The following UAP1 variants were observed in gnomAD, a reference collection of about 807,000 sequenced individuals.
The protein encoded by UAP1 is UDP-N-acetylhexosamine pyrophosphorylase.
Under a neutral mutation model 58.5 loss-of-function variants are expected in UAP1, and 25 were observed. The observed-to-expected ratio is 0.43, with a 90% confidence interval of 0.31 to 0.60. The LOEUF (loss-of-function observed/expected upper bound fraction) is 0.60. Among genes scored for constraint, UAP1 ranks in the 20% least tolerant of loss-of-function variants. UAP1 has a pLI of 0.11. For missense variants in UAP1, 575 were observed against 630.0 expected (o/e 0.91, Z 0.93); for synonymous variants, 208 against 213.0 (o/e 0.98, Z 0.21).
chr1:162,570,169 T>C (rs995935848), intron 2 of UAP1, among the ~76,000 whole-genome samples: 1 of 151,960 alleles, frequency 6.6e-6, no homozygotes, highest in African/African-American at 2.4e-5. Context: ...AAAAAATACT[T>C]ATTTTAGAGA....
At chr1:162,578,547 A>G (rs1385993261) in intron 3 of UAP1, among the ~76,000 whole-genome samples, 3 of 152,170 alleles carry the variant, frequency 2.0e-5, no homozygotes, top group Non-Finnish European at 4.4e-5. Context: ...CATTCTACTT[A>G]CAGCCCTGGC....
intron 2 of UAP1, among the ~76,000 whole-genome samples, chr1:162,576,463 A>G (rs1654183644): frequency 6.6e-6 from 1 of 152,198 alleles, no homozygotes; most frequent in South Asian, 2.1e-4. Flanking sequence ...TAATTGTTTT[A>G]ATAATAGAAA....
intron 2 of UAP1, among the ~76,000 whole-genome samples, chr1:162,575,091 C>G (rs1654090895): frequency 6.6e-6 from 1 of 152,148 alleles, no homozygotes; most frequent in Non-Finnish European, 1.5e-5. Flanking sequence ...ATTTTTGAGA[C>G]AGAGTCCCGC....
intron 9 of UAP1, 35 bp downstream of exon 9, chr1:162,592,817 T>TG (rs1200785484): frequency 6.6e-7 from 1 of 1,522,366 alleles, no homozygotes; most frequent in Non-Finnish European, 8.9e-7. Context: ...TGCATGGTGA[T>TG]GGGGCTGTGC....
chr1:162,576,969 G>C, exon 3 of UAP1: 1 of 1,614,000 alleles, frequency 6.2e-7, no homozygotes, highest in Non-Finnish European at 8.5e-7. Context: ...GGCAACAAAT[G>C]CATTATTCCA....
intron 2 of UAP1, among the ~76,000 whole-genome samples, chr1:162,574,058 A>G (rs1300327673): frequency 2.0e-5 from 3 of 151,322 alleles, no homozygotes; most frequent in Non-Finnish European, 4.4e-5. Context: ...AACTGGCTCT[A>G]AATTTATAAT....
chr1:162,569,962 AC>A (rs1381165450), intron 2 of UAP1, among the ~76,000 whole-genome samples: 3 of 152,134 alleles, frequency 2.0e-5, no homozygotes, highest in African/African-American at 7.2e-5. Flanking sequence ...ATCCTGGCTA[AC>A]ACGATGAAAC....
intron 7 of UAP1, among the ~76,000 whole-genome samples, chr1:162,589,281 T>A (rs915693903): frequency 1.4e-4 from 19 of 131,508 alleles, no homozygotes; most frequent in African/African-American, 4.8e-4. Flanking sequence ...ATAATATATA[T>A]AAATATATAT....
chr1:162,566,092 C>A (rs1557962857), exon 2 of UAP1: 2 of 1,612,272 alleles, frequency 1.2e-6, no homozygotes, highest in South Asian at 2.2e-5. Context: ...ACCTCAAACT[C>A]ACGTTGTCCA....
chr1:162,583,500 C>G (rs112049939), intron 5 of UAP1, among the ~76,000 whole-genome samples: 2 of 151,844 alleles, frequency 1.3e-5, no homozygotes, highest in African/African-American at 4.8e-5. Context: ...TGTACTGTTA[C>G]GAGCTTCAGA....
chr1:162,566,146 A>G lies in UAP1; in HGVS notation c.78A>G (p.Glu26=), dbSNP rs559319759. ...TACTACGTTTCTGGAATGAGCTTGA[A>G]GAAGCCCAACAGGTAGAACTTTATG... The change falls in exon 2 of 11, where the codon GAA becomes GAG. Residue 26 remains glutamate (E), a synonymous_variant. Coordinates refer to ENST00000271469, the Ensembl canonical transcript of UAP1. The G allele has an allele frequency of 1.9e-6, 3 of 1,613,804 alleles. No individual in the cohort carries two copies. In the South Asian group the frequency reaches 3.3e-5, roughly 18 times the overall value.
intron 3 of UAP1, 138 bp downstream of exon 3, chr1:162,577,119 T>A: frequency 1.2e-6 from 1 of 850,402 alleles, no homozygotes; most frequent in South Asian, 1.8e-5. Flanking sequence ...TTACTATATA[T>A]GTTAAAAGTG....
At chr1:162,576,240 G>C (rs1654168051) in intron 2 of UAP1, among the ~76,000 whole-genome samples, 1 of 152,102 alleles carries the variant, frequency 6.6e-6, no homozygotes, top group Admixed American at 6.5e-5. Context: ...TTATAGGCTG[G>C]AGGTAATTTG....
At chr1:162,587,933 T>G in intron 6 of UAP1, 1 of 329,940 alleles carries the variant, frequency 3.0e-6, no homozygotes, top group Admixed American at 4.4e-5. Context: ...CCCAACTATG[T>G]GCTAGGTTCT....
At chr1:162,577,809 A>G (rs1380277909) in intron 3 of UAP1, among the ~76,000 whole-genome samples, 2 of 151,548 alleles carry the variant, frequency 1.3e-5, no homozygotes, top group African/African-American at 4.9e-5. Context: ...ATGGAGTTTC[A>G]CCATGTTGGT....
intron 5 of UAP1, among the ~76,000 whole-genome samples, chr1:162,583,934 C>G (rs1654758540): frequency 1.3e-5 from 2 of 152,300 alleles, no homozygotes; most frequent in Middle Eastern, 6.8e-3. Context: ...GCCACTGCAC[C>G]CGGCCAGAGT....
intron 1 of UAP1, among the ~76,000 whole-genome samples, chr1:162,563,606 G>A (rs368600896): frequency 2.0e-5 from 3 of 152,014 alleles, no homozygotes; most frequent in African/African-American, 7.2e-5. Context: ...CTCATGATCC[G>A]CCCGCCTCGG....
Position 162,592,810 on chromosome 1 carries a change from A to G in UAP1, c.1409+28A>G, listed in dbSNP as rs969308817. Reference sequence around the variant, plus strand: ...AAATATACCAGCCTGCCTACAGTGCATGGTGATGGGGCTGTGCTTCCCTCC... The same window carrying G: ...AAATATACCAGCCTGCCTACAGTGCGTGGTGATGGGGCTGTGCTTCCCTCC... On this transcript the variant is annotated intron_variant, in intron 9 of 10. Coordinates refer to ENST00000271469, the Ensembl canonical transcript of UAP1. 16 of 1,537,258 alleles carry G rather than the reference A, an allele frequency of 1.0e-5. No individual in the cohort carries two copies. The African/African-American group carries it at 2.1e-4, about 20-fold the overall frequency.
intron 2 of UAP1, among the ~76,000 whole-genome samples, chr1:162,571,943 A>G (rs1398871972): frequency 6.6e-6 from 1 of 152,256 alleles, no homozygotes; most frequent in Non-Finnish European, 1.5e-5. Context: ...TTCTCCAGGA[A>G]CTGCTGCCTT....
Sources: gnomAD v4.1 joint callset for allele counts (sites outside exome capture counted in the v4.1 genomes callset) on GRCh38, gnomAD v4.1.1 for gene constraint, MANE v1.5 for transcripts, NCBI Gene and HGNC (gene_info 2026-07-23, HGNC 2026-07-21) for gene names.